MEF2C: variants seen among roughly 807,000 people sequenced by gnomAD.
MEF2C encodes myocyte-specific enhancer factor 2C.
In MEF2C, 6 loss-of-function variants were observed where a neutral mutation model predicts 50.5. The ratio of observed to expected loss-of-function variants is 0.12; its 90% CI spans 0.07 to 0.23. The LOEUF (loss-of-function observed/expected upper bound fraction) is 0.23. Ranked by LOEUF, MEF2C falls within the 10% of genes least tolerant of loss-of-function variation. The probability of loss-of-function intolerance (pLI) is 1.00; values close to 1 mark genes in which losing one functional copy is unlikely to be tolerated. For missense variants in MEF2C, 276 were observed against 605.0 expected (o/e 0.46, Z 5.70); for synonymous variants, 183 against 228.0 (o/e 0.80, Z 1.78).
At chr5:88,819,735 C>T (rs1446071206) in intron 2 of MEF2C, among the ~76,000 whole-genome samples, 1 of 151,944 alleles carries the variant, frequency 6.6e-6, no homozygotes, top group Non-Finnish European at 1.5e-5. Context: ...CTGTAGCCTA[C>T]AAGTGAAATC....
At chr5:88,737,804 A>T (rs1288822448) in intron 6 of MEF2C, 1 of 985,212 alleles carries the variant, frequency 1.0e-6, no homozygotes, top group East Asian at 1.1e-4. Context: ...GCTAACATGA[A>T]CCTCTAAGAT....
rs1055415804 is a variant in MEF2C at position 88,739,160 on chromosome 5, G to A, written c.638-7259C>T. ...AGTATCTGCGATTAGTTGTTACCCG[G>A]GAAATAACTTCTAATATATAAATGT... On this transcript the variant is annotated intron_variant, in intron 6 of 10. Transcript: ENST00000504921. The A allele has an allele frequency of 4.1e-6, 4 of 982,388 alleles. No individual in the cohort carries two copies. In the African/African-American group the frequency reaches 7.0e-5, roughly 17 times the overall value. The allele number at this position is 982,388 out of a possible 1,614,324, so 60.9% of individuals were successfully genotyped here. A position where few individuals can be genotyped will look rare whatever the true frequency, so the allele number is the denominator to read the frequency against.
intron 1 of MEF2C, among the ~76,000 whole-genome samples, chr5:88,836,593 C>T (rs1815179779): frequency 6.6e-6 from 1 of 152,142 alleles, no homozygotes; most frequent in African/African-American, 2.4e-5. Context: ...ACAATCCAGG[C>T]AGGGCAAGGA....
intron 3 of MEF2C, among the ~76,000 whole-genome samples, chr5:88,787,896 G>A (rs1791760628): frequency 6.6e-6 from 1 of 152,088 alleles, no homozygotes; most frequent in South Asian, 2.1e-4. Flanking sequence ...TTCTTCCTCA[G>A]GGCAATTCCA....
rs1169605093 is a variant in MEF2C at position 88,797,454 on chromosome 5, C to CTTTTTTTTTTTTTTTTT, written c.258+7143_258+7144insAAAAAAAAAAAAAAAAA. Among the ~76,000 whole-genome samples the CTTTTTTTTTTTTTTTTT allele has an allele frequency of 8.3e-4, 21 of 25,220 alleles. 7 individuals carry two copies. The highest frequency in any genetic ancestry group is 1.9e-3 in the East Asian group (2 of 1,080). 16.5% of individuals were successfully genotyped at this position (25,220 alleles called of 152,430 possible). A position where few individuals can be genotyped will look rare whatever the true frequency, so the allele number is the denominator to read the frequency against. On this transcript the variant is annotated intron_variant, in intron 3 of 10. Coordinates refer to ENST00000504921, the MANE Select transcript of MEF2C (RefSeq NM_002397.5). ...TCACAGACTAGGATTGCAACCCTTG[C>CTTTTTTTTTTTTTTTTT]CTTTTTTTTTTTTTTTTTTTTTTTT...
intron 3 of MEF2C, among the ~76,000 whole-genome samples, chr5:88,775,354 TA>T (rs1446624558): frequency 6.6e-6 from 1 of 152,174 alleles, no homozygotes; most frequent in Non-Finnish European, 1.5e-5. Flanking sequence ...GAATTGAGTG[TA>T]ATTGCTCGGA....
intron 1 of MEF2C, chr5:88,892,369 CTTTG>C (rs1462960607): frequency 2.6e-5 from 4 of 152,316 alleles, no homozygotes; most frequent in South Asian, 4.1e-4. Context: ...ATCCTCAAAA[CTTTG>C]TTTAAGGATT....
rs552576408 is a variant in MEF2C at position 88,741,719 on chromosome 5, T to C, written c.637+7351A>G. The C allele has an allele frequency of 9.2e-6, 9 of 983,330 alleles. No homozygotes were observed. The East Asian group carries it at 9.1e-4, about 99-fold the overall frequency. The allele number at this position is 983,330 out of a possible 1,614,324, so 60.9% of individuals were successfully genotyped here. A position where few individuals can be genotyped will look rare whatever the true frequency, so the allele number is the denominator to read the frequency against. On this transcript the variant is annotated intron_variant, in intron 6 of 10. Coordinates refer to ENST00000504921, the MANE Select transcript of MEF2C (RefSeq NM_002397.5). ...TCCTTATACTTTAAATACAACATAA[T>C]CGGTTCTTTATAATAACTGGAGGTG... is the stretch of plus-strand genomic sequence containing the variant.
At chr5:88,726,092 A>T (rs1374609556) in intron 10 of MEF2C, among the ~76,000 whole-genome samples, 2 of 152,158 alleles carry the variant, frequency 1.3e-5, no homozygotes, top group Non-Finnish European at 2.9e-5. Context: ...TGAAGACTTA[A>T]AGCTCCAAAG....
chr5:88,847,678 T>C (rs1203757591), intron 1 of MEF2C, among the ~76,000 whole-genome samples: 1 of 152,074 alleles, frequency 6.6e-6, no homozygotes, highest in Non-Finnish European at 1.5e-5. Flanking sequence ...TTCTTTTCTT[T>C]TTTTTCACTT....
intron 1 of MEF2C, among the ~76,000 whole-genome samples, chr5:88,896,634 T>A (rs1296911103): frequency 2.0e-5 from 3 of 152,170 alleles, no homozygotes; most frequent in African/African-American, 7.2e-5. Flanking sequence ...AGTATCCATA[T>A]CAAATGGAAT....
chr5:88,741,366 G>A (rs1363297718), intron 6 of MEF2C: 5 of 985,036 alleles, frequency 5.1e-6, no homozygotes, highest in South Asian at 4.7e-5. Flanking sequence ...ACAACAATCC[G>A]GAAAAAGAGG....
chr5:88,833,348 T>C (rs1581352994), intron 1 of MEF2C, among the ~76,000 whole-genome samples: 1 of 152,298 alleles, frequency 6.6e-6, no homozygotes, highest in East Asian at 1.9e-4. Flanking sequence ...TGTATTATAG[T>C]AATCTCCAAT....
chr5:88,818,461 T>C (rs183908235), intron 2 of MEF2C, among the ~76,000 whole-genome samples: 12 of 151,268 alleles, frequency 7.9e-5, no homozygotes, highest in African/African-American at 2.9e-4. Context: ...AAAAAAAAAA[T>C]GCCGACGGAG....
At chr5:88,854,472 G>A (rs4145738) in intron 1 of MEF2C, among the ~76,000 whole-genome samples, 63,244 of 151,976 alleles carry the variant, frequency 0.42, 13,774 homozygotes, top group East Asian at 0.48. Context: ...CCATAAAAGA[G>A]ACACTCAAAA....
At chr5:88,797,660 G>A (rs529175646) in intron 3 of MEF2C, among the ~76,000 whole-genome samples, 1 of 151,926 alleles carries the variant, frequency 6.6e-6, no homozygotes, top group Non-Finnish European at 1.5e-5. Flanking sequence ...GGTTAATATT[G>A]TTATGTGTGA....
intron 1 of MEF2C, among the ~76,000 whole-genome samples, chr5:88,901,903 T>C (rs1193775662): frequency 6.6e-6 from 1 of 151,988 alleles, no homozygotes; most frequent in Non-Finnish European, 1.5e-5. Context: ...CTATATTTAA[T>C]ATTATTTCCA....
intron 1 of MEF2C, among the ~76,000 whole-genome samples, chr5:88,863,083 G>T (rs1826028943): frequency 6.6e-6 from 1 of 152,204 alleles, no homozygotes; most frequent in Non-Finnish European, 1.5e-5. Context: ...GCCAGGATTT[G>T]ACTCATCATT....
At chr5:88,756,810 A>G (rs940491337) in intron 4 of MEF2C, among the ~76,000 whole-genome samples, 1 of 152,054 alleles carries the variant, frequency 6.6e-6, no homozygotes, top group African/African-American at 2.4e-5. Context: ...TGTCTAAAAA[A>G]TGAAAGCCAA....
Sources: gnomAD v4.1 joint callset for allele counts (sites outside exome capture counted in the v4.1 genomes callset) on GRCh38, gnomAD v4.1.1 for gene constraint, MANE v1.5 for transcripts, NCBI Gene and HGNC (gene_info 2026-07-23, HGNC 2026-07-21) for gene names.